Variants in CC2D2B observed in about 807,000 individuals in gnomAD.
The protein encoded by CC2D2B is protein CC2D2B.
In CC2D2B, 128 loss-of-function variants were observed where a neutral mutation model predicts 161.2. That is an observed-to-expected ratio of 0.79 (90% CI 0.69 to 0.92). The LOEUF (loss-of-function observed/expected upper bound fraction) is 0.92, where lower values mean the gene tolerates loss of function less well. Ranked by LOEUF, CC2D2B falls within the 40% of genes least tolerant of loss-of-function variation. The pLI is 0.00. For missense variants in CC2D2B, 1,173 were observed against 1,375.1 expected (o/e 0.85, Z 2.32); for synonymous variants, 391 against 449.8 (o/e 0.87, Z 1.65).
chr10:95,974,066 GA>G lies in CC2D2B; in HGVS notation c.1857del (p.Lys619AsnfsTer10). 8.1e-7 allele frequency: 1 copy of G among 1,231,286 alleles called. No homozygotes were observed. The highest frequency in any genetic ancestry group is 1.6e-5 in the African/African-American group (1 of 64,494). The allele number at this position is 1,231,286 out of a possible 1,614,324, so 76.3% of individuals were successfully genotyped here. A position where few individuals can be genotyped will look rare whatever the true frequency, so the allele number is the denominator to read the frequency against. ...GAAGAACTCTGTCTTTTGACATCAG[GA>G]AAACTTAGCTATTCTCTATCATGGA... Reference protein sequence around the residue: ...GTEELCLLTSGKLSYSLSWSL... With the variant: ...GTEELCLLTSXKLSYSLSWSL... On this transcript the variant is annotated frameshift_variant, in exon 17 of 35. Transcript: ENST00000646931. LOFTEE classifies it high-confidence loss of function.
chr10:95,962,357 G>T (rs937718340), intron 12 of CC2D2B, among the ~76,000 whole-genome samples: 5 of 151,934 alleles, frequency 3.3e-5, no homozygotes, highest in African/African-American at 1.2e-4. Flanking sequence ...CTATTAGAAT[G>T]GCTAAAATCC....
upstream of CC2D2B, chr10:95,907,938 G>C (rs1035259756): frequency 6.6e-6 from 1 of 152,414 alleles, no homozygotes; most frequent in Admixed American, 6.5e-5. Context: ...CTTGCAGCCC[G>C]CGGGCGCCGT....
chr10:96,024,923 T>G lies in CC2D2B; in HGVS notation c.3947+12T>G, dbSNP rs1467237281. 2 of 1,483,508 alleles carry G rather than the reference T, an allele frequency of 1.3e-6. No individual in the cohort carries two copies. The highest frequency in any genetic ancestry group is 1.8e-6 in the Non-Finnish European group (2 of 1,088,434). 91.9% of individuals were successfully genotyped at this position (1,483,508 alleles called of 1,614,324 possible). On this transcript the variant is annotated intron_variant, in intron 33 of 34. Transcript: ENST00000646931. ...GATCTAAGGAATAGGTACTGTGTTTTCCCCTAATCTCTTGTTGGGTTACCT... is the reference window on the plus strand; with the variant it reads ...GATCTAAGGAATAGGTACTGTGTTTGCCCCTAATCTCTTGTTGGGTTACCT...
At chr10:95,955,021 A>G (rs962763260) in intron 10 of CC2D2B, among the ~76,000 whole-genome samples, 1 of 152,134 alleles carries the variant, frequency 6.6e-6, no homozygotes, top group Non-Finnish European at 1.5e-5. Context: ...GAATGTGGAT[A>G]AAGACAGACA....
At position 95,938,860 on chromosome 10, in the gene CC2D2B, T is replaced by G. The variant is rs1350614534; in HGVS notation, c.736T>G (p.Trp246Gly). ...MSLPTPIKQS[W>G]NFRLNVRKEP... ...ATTACCTACACCTATTAAACAGTCA[T>G]GGAATTTCAGACTAAATGTAAGGAA... is the stretch of plus-strand genomic sequence containing the variant. Residue 246 changes from tryptophan to glycine, a missense_variant, in exon 9 of 35, where the codon TGG becomes GGG. Transcript: ENST00000646931. The G allele has an allele frequency of 1.4e-6, 1 of 715,330 alleles. No individual in the cohort carries two copies. Among genetic ancestry groups the G allele is most frequent in the Non-Finnish European group, 2.6e-6 (1 of 384,244 alleles). 44.3% of individuals were successfully genotyped at this position (715,330 alleles called of 1,614,324 possible).
intron 6 of CC2D2B, among the ~76,000 whole-genome samples, chr10:95,929,281 A>G (rs1274497493): frequency 6.6e-6 from 1 of 152,096 alleles, no homozygotes; most frequent in African/African-American, 2.4e-5. Flanking sequence ...AGTTATTTGT[A>G]GATTCTGGAT....
chr10:96,009,254 A>G (rs1378565788), intron 25 of CC2D2B, among the ~76,000 whole-genome samples: 1 of 152,082 alleles, frequency 6.6e-6, no homozygotes, highest in Non-Finnish European at 1.5e-5. Flanking sequence ...CTTTGAATGT[A>G]TGACCATTTA....
chr10:95,908,204 C>T (rs2098499480), intron 1 of CC2D2B, 147 bp downstream of exon 1: 2 of 152,238 alleles, frequency 1.3e-5, no homozygotes, highest in Admixed American at 1.3e-4. Context: ...ACTTGTAGTT[C>T]GGGGGCCTGG....
chr10:96,026,325 A>C (rs555187311), intron 33 of CC2D2B, among the ~76,000 whole-genome samples: 1 of 152,222 alleles, frequency 6.6e-6, no homozygotes, highest in Non-Finnish European at 1.5e-5. Context: ...ATCCCCAGGC[A>C]CTGTTCTAGG....
chr10:96,004,270 A>G (rs369365842), intron 25 of CC2D2B, 22 bp downstream of exon 25: 5 of 1,205,444 alleles, frequency 4.1e-6, no homozygotes, highest in Non-Finnish European at 5.9e-6. Context: ...TAATTACAAT[A>G]GCCAATGCTG....
At chr10:95,993,948 ATG>A (rs375278156) in intron 22 of CC2D2B, among the ~76,000 whole-genome samples, 843 of 21,628 alleles carry the variant, frequency 0.039, 18 homozygotes, top group Middle Eastern at 0.056. Flanking sequence ...GTGTGTATGT[ATG>A]TGTATATATA....
chr10:95,949,513 C>T (rs1215372590), intron 9 of CC2D2B, among the ~76,000 whole-genome samples: 1 of 105,480 alleles, frequency 9.5e-6, no homozygotes, highest in African/African-American at 3.7e-5. Context: ...GTGGTGGGGT[C>T]GGGGGAGGGG....
At chr10:95,947,657 G>A (rs1221321440) in intron 9 of CC2D2B, among the ~76,000 whole-genome samples, 3 of 151,880 alleles carry the variant, frequency 2.0e-5, no homozygotes, top group African/African-American at 7.3e-5. Context: ...CAGGAGCATC[G>A]CTTGAACCTG....
At chr10:95,956,862 T>G (rs1384359458) in intron 11 of CC2D2B, among the ~76,000 whole-genome samples, 1 of 152,232 alleles carries the variant, frequency 6.6e-6, no homozygotes, top group Non-Finnish European at 1.5e-5. Flanking sequence ...TGTATTTGTT[T>G]ATTCACATTA....
intron 5 of CC2D2B, among the ~76,000 whole-genome samples, chr10:95,925,443 A>G (rs1486715421): frequency 6.6e-6 from 1 of 152,230 alleles, no homozygotes; most frequent in African/African-American, 2.4e-5. Context: ...TAGCCTCCCA[A>G]TTAATTATTT....
chr10:95,970,762 C>G (rs2077097587), intron 15 of CC2D2B, among the ~76,000 whole-genome samples: 1 of 152,174 alleles, frequency 6.6e-6, no homozygotes, highest in Non-Finnish European at 1.5e-5. Flanking sequence ...AAAGTTAACC[C>G]ATTTACTGAT....
chr10:96,003,351 T>C lies in CC2D2B; in HGVS notation c.2850-801T>C, dbSNP rs533221149. Among the ~76,000 whole-genome samples the C allele has an allele frequency of 1.4e-4, 22 of 152,030 alleles. No homozygotes were observed. The East Asian group carries it at 2.9e-3, about 20-fold the overall frequency. On this transcript the variant is annotated intron_variant, in intron 24 of 34. Transcript: ENST00000646931. ...TCAGCAGACAGCTTGCAAAATTAAA[T>C]GCACTCCATTATCCCAGTTTCTGCT...
chr10:96,018,681 T>A (rs1169939511), intron 30 of CC2D2B: 1 of 152,320 alleles, frequency 6.6e-6, no homozygotes, highest in Admixed American at 6.5e-5. Flanking sequence ...TGAATCCTCA[T>A]GCTAACCTGG....
chr10:95,987,765 G>C (rs1478944638), intron 19 of CC2D2B, among the ~76,000 whole-genome samples: 1 of 152,096 alleles, frequency 6.6e-6, no homozygotes, highest in Non-Finnish European at 1.5e-5. Context: ...TTGTGACAGA[G>C]GCATTATTAT....
Sources: allele counts gnomAD v4.1 joint callset (sites outside exome capture counted in the v4.1 genomes callset), GRCh38; gene constraint gnomAD v4.1.1; transcripts MANE v1.5; gene names NCBI Gene and HGNC (gene_info 2026-07-23, HGNC 2026-07-21).